NEK10: variants seen among roughly 807,000 people sequenced by gnomAD.
The protein encoded by NEK10 is NIMA related kinase 10.
NEK10 carries 122 observed loss-of-function variants against 159.8 expected under a neutral mutation model. The observed-to-expected ratio is 0.76, with a 90% confidence interval of 0.66 to 0.89. The LOEUF (loss-of-function observed/expected upper bound fraction) is 0.89. NEK10 is among the 40% of genes least tolerant of loss of function. NEK10 has a pLI of 0.00. For synonymous variants in NEK10, 466 were observed against 457.1 expected (o/e 1.02, Z -0.25); for missense variants, 1,342 against 1,323.1 (o/e 1.01, Z -0.22).
rs57112652 is a variant in NEK10, at chr3:27,172,333, C to CA, written c.2777-461dup. ...CTGGTGACAGAGCGAGACCCCGTCT[C>CA]AAAAAAAAAAAAAAAAAAAAAAAAA... On this transcript the variant is annotated intron_variant, in intron 28 of 35. Coordinates refer to ENST00000691995, the MANE Select transcript of NEK10 (RefSeq NM_001394966.1). 8.8e-3 allele frequency among the ~76,000 whole-genome samples: 555 copies of CA among 62,964 alleles called. 23 individuals carry two copies. The highest frequency in any genetic ancestry group is 0.019 in the South Asian group (27 of 1,388). The allele number at this position is 62,964 out of a possible 152,430, so 41.3% of individuals were successfully genotyped here. A position where few individuals can be genotyped will look rare whatever the true frequency, so the allele number is the denominator to read the frequency against.
intron 20 of NEK10, among the ~76,000 whole-genome samples, chr3:27,285,291 T>G (rs2042498021): frequency 6.6e-6 from 1 of 152,014 alleles, no homozygotes; most frequent in South Asian, 2.1e-4. Context: ...TGATCTCCAG[T>G]CATGGAGGAT....
intron 3 of NEK10, among the ~76,000 whole-genome samples, chr3:27,349,987 A>G (rs76283277): frequency 0.052 from 7,892 of 152,254 alleles, 389 homozygotes; most frequent in African/African-American, 0.13. Context: ...ACAATGGAAC[A>G]ACAGGGGAAG....
chr3:27,364,402 GTGTA>G (rs2048911160), intron 1 of NEK10, among the ~76,000 whole-genome samples: 1 of 134,982 alleles, frequency 7.4e-6, no homozygotes. Context: ...GTGTGTGTGT[GTGTA>G]TAGTAGAGAC....
intron 26 of NEK10, among the ~76,000 whole-genome samples, chr3:27,181,454 G>A (rs1391927938): frequency 2.0e-5 from 3 of 152,048 alleles, no homozygotes; most frequent in Non-Finnish European, 4.4e-5. Flanking sequence ...GGCTGAAGAC[G>A]AGGAAGAGGA....
intron 16 of NEK10, among the ~76,000 whole-genome samples, chr3:27,293,025 T>C (rs986150323): frequency 6.6e-6 from 1 of 152,182 alleles, no homozygotes; most frequent in Admixed American, 6.5e-5. Context: ...AACTAAATGG[T>C]GTGCAGAACA....
At chr3:27,181,004 G>C (rs570168683) in intron 26 of NEK10, among the ~76,000 whole-genome samples, 1 of 152,048 alleles carries the variant, frequency 6.6e-6, no homozygotes, top group Non-Finnish European at 1.5e-5. Flanking sequence ...AGGCCTCCTT[G>C]CTGTTCCCCG....
At chr3:27,274,971 C>A in intron 22 of NEK10, among the ~76,000 whole-genome samples, 1 of 152,142 alleles carries the variant, frequency 6.6e-6, no homozygotes, top group Non-Finnish European at 1.5e-5. Context: ...CTCAGAGAAC[C>A]AAATCATATC....
At chr3:27,268,896 A>G (rs2041114280) in intron 22 of NEK10, among the ~76,000 whole-genome samples, 1 of 152,216 alleles carries the variant, frequency 6.6e-6, no homozygotes, top group Non-Finnish European at 1.5e-5. Context: ...CATTAAGTAC[A>G]TTCATGATTC....
chr3:27,156,979 T>C (rs1178747736), intron 30 of NEK10, among the ~76,000 whole-genome samples: 2 of 102,466 alleles, frequency 2.0e-5, no homozygotes, highest in Non-Finnish European at 3.8e-5. Flanking sequence ...TATATATATA[T>C]GATGAAATAC....
intron 30 of NEK10, chr3:27,162,185 T>C (rs1003556532): frequency 4.5e-6 from 2 of 440,028 alleles, no homozygotes; most frequent in East Asian, 4.0e-5. Context: ...AGGTATGTAC[T>C]TGAAGCATCA....
At chr3:27,345,207 C>T (rs1045906340) in intron 4 of NEK10, among the ~76,000 whole-genome samples, 2 of 152,184 alleles carry the variant, frequency 1.3e-5, no homozygotes, top group Admixed American at 6.5e-5. Flanking sequence ...GCGTAATGTT[C>T]TGCCTTCTCA....
At chr3:27,317,522 AC>A (rs565803683) in intron 6 of NEK10, among the ~76,000 whole-genome samples, 22 of 152,288 alleles carry the variant, frequency 1.4e-4, no homozygotes, top group African/African-American at 4.3e-4. Flanking sequence ...TCCTAAGCTT[AC>A]CCCCTGAATT....
At chr3:27,311,206 G>A in intron 8 of NEK10, 190 bp from the exon 9 acceptor site, 3 of 436,150 alleles carry the variant, frequency 6.9e-6, no homozygotes, top group Non-Finnish European at 1.2e-5. Flanking sequence ...AGCTCCACTG[G>A]TATTTATTTT....
chr3:27,203,417 C>A (rs1017746267), intron 23 of NEK10, among the ~76,000 whole-genome samples: 2 of 152,154 alleles, frequency 1.3e-5, no homozygotes, highest in Non-Finnish European at 2.9e-5. Context: ...ACAATTTAAA[C>A]AACATTTAAA....
intron 30 of NEK10, among the ~76,000 whole-genome samples, chr3:27,160,821 G>A (rs555725756): frequency 4.6e-5 from 7 of 152,252 alleles, no homozygotes; most frequent in African/African-American, 1.4e-4. Flanking sequence ...CAGGAGAATT[G>A]CCTGAACCCA....
At chr3:27,160,778 C>T (rs535811584) in intron 30 of NEK10, among the ~76,000 whole-genome samples, 11 of 152,082 alleles carry the variant, frequency 7.2e-5, no homozygotes, top group African/African-American at 1.4e-4. Context: ...TGGTAGTGGA[C>T]GCCTGTAATC....
chr3:27,189,254 G>A lies in NEK10; in HGVS notation c.2505+2775C>T, dbSNP rs115535961. On this transcript the variant is annotated intron_variant, in intron 26 of 35. Transcript: ENST00000691995. ...TTCTAAAATATATATTAGTACTTACGTTTACTAGGCCACTATAAAAATTGC... is the reference window on the plus strand; with the variant it reads ...TTCTAAAATATATATTAGTACTTACATTTACTAGGCCACTATAAAAATTGC... Among the ~76,000 whole-genome samples, 707 of 152,030 alleles carry A rather than the reference G, an allele frequency of 4.7e-3. 12 individuals are homozygous for A. Among genetic ancestry groups the A allele is most frequent in the African/African-American group, 0.016 (674 of 41,498 alleles).
chr3:27,306,917 G>C (rs1229355555), intron 11 of NEK10, among the ~76,000 whole-genome samples: 1 of 152,002 alleles, frequency 6.6e-6, no homozygotes, highest in African/African-American at 2.4e-5. Context: ...AGCACATACT[G>C]TTTTTATGTT....
intron 3 of NEK10, among the ~76,000 whole-genome samples, chr3:27,346,442 G>A (rs1358833199): frequency 6.6e-6 from 1 of 152,132 alleles, no homozygotes; most frequent in Non-Finnish European, 1.5e-5. Context: ...AACACCACTT[G>A]TCATATCTGA....
Sources: allele counts gnomAD v4.1 joint callset (sites outside exome capture counted in the v4.1 genomes callset), GRCh38; gene constraint gnomAD v4.1.1; transcripts MANE v1.5; gene names NCBI Gene and HGNC (gene_info 2026-07-23, HGNC 2026-07-21).